Variants in GRIK2 observed in about 807,000 individuals in gnomAD.
GRIK2 encodes the protein glutamate receptor ionotropic, kainate 2.
In GRIK2, 32 loss-of-function variants were observed where a neutral mutation model predicts 100.3. That is an observed-to-expected ratio of 0.32 (90% CI 0.24 to 0.43). The LOEUF (loss-of-function observed/expected upper bound fraction) is 0.43. Among genes scored for constraint, GRIK2 ranks in the 20% least tolerant of loss-of-function variants. The probability of loss-of-function intolerance (pLI) is 1.00; values close to 1 mark genes in which losing one functional copy is unlikely to be tolerated. For missense variants in GRIK2, 843 were observed against 1,114.9 expected (o/e 0.76, Z 3.47); for synonymous variants, 417 against 389.4 (o/e 1.07, Z -0.83).
intron 14 of GRIK2, among the ~76,000 whole-genome samples, chr6:102,017,029 C>T (rs900264256): frequency 1.3e-5 from 2 of 152,000 alleles, no homozygotes; most frequent in Non-Finnish European, 2.9e-5. Flanking sequence ...CTAATCTAAG[C>T]TTCGTAAGCA....
At position 101,695,839 on chromosome 6, in the gene GRIK2, AT is replaced by A. The variant is rs149750677; in HGVS notation, c.951+9489del. 7.6e-3 allele frequency among the ~76,000 whole-genome samples: 1,164 copies of A among 152,220 alleles called. 13 individuals carry two copies. The highest frequency in any genetic ancestry group is 0.027 in the African/African-American group (1,133 of 41,558). ...TACTTACCTACATTTGGACAAAATC[AT>A]TTAACACAAAGCCTATTTTAAAACA... On this transcript the variant is annotated intron_variant, in intron 7 of 16. Transcript: ENST00000369134.
At chr6:101,485,288 G>A (rs1256190391) in intron 2 of GRIK2, among the ~76,000 whole-genome samples, 6 of 152,178 alleles carry the variant, frequency 3.9e-5, no homozygotes, top group Admixed American at 3.9e-4. Context: ...ACATGAAGCA[G>A]CTGGCTAGTG....
chr6:101,808,351 G>A (rs907802822), intron 9 of GRIK2, among the ~76,000 whole-genome samples: 2 of 151,944 alleles, frequency 1.3e-5, no homozygotes, highest in Non-Finnish European at 2.9e-5. Context: ...ATTTAGAAAA[G>A]AATTTCCTAT....
At chr6:101,448,996 G>C (rs1041614815) in intron 2 of GRIK2, among the ~76,000 whole-genome samples, 11 of 151,444 alleles carry the variant, frequency 7.3e-5, no homozygotes, top group Admixed American at 2.6e-4. Flanking sequence ...AGAAAGCAGA[G>C]AATATACTGG....
At chr6:101,419,692 G>A (rs1452299680) in intron 2 of GRIK2, among the ~76,000 whole-genome samples, 1 of 152,220 alleles carries the variant, frequency 6.6e-6, no homozygotes, top group Admixed American at 6.5e-5. Flanking sequence ...GGCTGAGAGA[G>A]GTTAAGTAAT....
chr6:102,018,928 CAT>C lies in GRIK2; in HGVS notation c.2086-16412_2086-16411del, dbSNP rs1464477117. Among the ~76,000 whole-genome samples, 4 of 151,736 alleles carry C rather than the reference CAT, an allele frequency of 2.6e-5. No homozygotes were observed. In the East Asian group the frequency reaches 7.8e-4, roughly 30 times the overall value. On this transcript the variant is annotated intron_variant, in intron 14 of 16. Coordinates refer to ENST00000369134, the MANE Select transcript of GRIK2 (RefSeq NM_021956.5). The stretch of plus-strand genomic sequence containing the variant: ...GTAAGCAACACAAAATATTCTGAGA[CAT>C]GTCATTTTCTTTTGTTTAAAATAAA...
At chr6:101,619,870 G>A (rs1780064674) in intron 2 of GRIK2, among the ~76,000 whole-genome samples, 1 of 152,118 alleles carries the variant, frequency 6.6e-6, no homozygotes, top group Non-Finnish European at 1.5e-5. Context: ...GGCATGAGCA[G>A]ATTCTACTAG....
At chr6:102,013,083 A>C (rs1253679883) in intron 14 of GRIK2, among the ~76,000 whole-genome samples, 10 of 152,002 alleles carry the variant, frequency 6.6e-5, no homozygotes, top group Non-Finnish European at 1.0e-4. Context: ...ATGTTTCTTT[A>C]TTTGTTTGTG....
chr6:101,670,127 C>T (rs1287642239), intron 4 of GRIK2, among the ~76,000 whole-genome samples: 1 of 151,830 alleles, frequency 6.6e-6, no homozygotes, highest in Non-Finnish European at 1.5e-5. Context: ...ATTATAGAAA[C>T]TGCTTTTGTA....
chr6:101,851,075 A>G (rs1183617488), intron 10 of GRIK2, among the ~76,000 whole-genome samples: 1 of 152,110 alleles, frequency 6.6e-6, no homozygotes, highest in Non-Finnish European at 1.5e-5. Context: ...GGGAAGAGTA[A>G]TATTTGACAT....
chr6:101,723,168 C>G (rs1051661192), intron 7 of GRIK2, among the ~76,000 whole-genome samples: 2 of 152,120 alleles, frequency 1.3e-5, no homozygotes, highest in East Asian at 1.9e-4. Context: ...CAAAGGATAA[C>G]AAGTAATTTC....
At chr6:101,433,384 A>G (rs1769529149) in intron 2 of GRIK2, among the ~76,000 whole-genome samples, 1 of 152,184 alleles carries the variant, frequency 6.6e-6, no homozygotes. Flanking sequence ...GACGTGCAGC[A>G]AATTGCTTAA....
chr6:101,905,259 A>C (rs1476974708), intron 12 of GRIK2, among the ~76,000 whole-genome samples: 1 of 151,558 alleles, frequency 6.6e-6, no homozygotes, highest in Non-Finnish European at 1.5e-5. Flanking sequence ...TCATCTTAAA[A>C]TGAATGCAAT....
In GRIK2 at chr6:101,622,013, T is replaced by C; in HGVS notation, c.180T>C (p.Ala60=). 1.2e-6 allele frequency: 2 copies of C among 1,607,646 alleles called. No homozygotes were observed. The highest frequency in any genetic ancestry group is 1.7e-6 in the Non-Finnish European group (2 of 1,174,226). ...MGAEELAFRF[A]VNTINRNRTL... is the part of the protein sequence containing the mutation. ...CTGAGGAACTTGCATTCAGATTTGC[T>C]GTGAACACAATTAACAGAAACAGAA... The change falls in exon 3 of 17, where the codon GCT becomes GCC. Residue 60 remains alanine, a synonymous_variant. Transcript: ENST00000369134.
intron 2 of GRIK2, among the ~76,000 whole-genome samples, chr6:101,503,345 G>A (rs976070667): frequency 6.6e-6 from 1 of 151,978 alleles, no homozygotes; most frequent in Non-Finnish European, 1.5e-5. Context: ...CAAGACATTT[G>A]GCTATGAATA....
intron 7 of GRIK2, among the ~76,000 whole-genome samples, chr6:101,770,038 A>T (rs1358002956): frequency 6.6e-6 from 1 of 152,104 alleles, no homozygotes; most frequent in Non-Finnish European, 1.5e-5. Flanking sequence ...TTTTTTTGTT[A>T]TCAGACATAC....
At chr6:101,551,768 C>T (rs1199909994) in intron 2 of GRIK2, among the ~76,000 whole-genome samples, 6 of 152,134 alleles carry the variant, frequency 3.9e-5, no homozygotes, top group African/African-American at 1.4e-4. Flanking sequence ...TATGTTAATT[C>T]TCTCCTTCAC....
chr6:101,832,456 C>T (rs1401451747), intron 10 of GRIK2, among the ~76,000 whole-genome samples: 1 of 152,134 alleles, frequency 6.6e-6, no homozygotes, highest in East Asian at 1.9e-4. Context: ...TCATTTCCAA[C>T]CAATAATCAC....
At chr6:101,825,211 A>G (rs562021409) in intron 10 of GRIK2, among the ~76,000 whole-genome samples, 1 of 152,260 alleles carries the variant, frequency 6.6e-6, no homozygotes, top group South Asian at 2.1e-4. Context: ...GTCTTCTCCA[A>G]CCCCATTCCT....
Sources: allele counts gnomAD v4.1 joint callset (sites outside exome capture counted in the v4.1 genomes callset), GRCh38; gene constraint gnomAD v4.1.1; transcripts MANE v1.5; gene names NCBI Gene and HGNC (gene_info 2026-07-23, HGNC 2026-07-21).